LGMN: variants seen among roughly 807,000 people sequenced by gnomAD.
LGMN encodes the protein legumain.
In LGMN, 36 loss-of-function variants were observed where a neutral mutation model predicts 56.8. The observed-to-expected ratio is 0.63, with a 90% CI of 0.49 to 0.84. LGMN has a LOEUF of 0.84. LGMN is among the 40% of genes least tolerant of loss of function. The pLI, the probability that LGMN is intolerant of heterozygous loss-of-function variation, is 0.00. For synonymous variants in LGMN, 199 were observed against 210.1 expected, an observed-to-expected ratio of 0.95 and a Z score of 0.46; for missense variants, 446 against 556.1, an observed-to-expected ratio of 0.80 and a Z score of 1.99.
intron 5 of LGMN, chr14:92,715,645 A>G (rs1462797794): frequency 1.3e-5 from 2 of 152,930 alleles, no homozygotes; most frequent in Middle Eastern, 3.4e-3. Context: ...AGACATCTCT[A>G]GCCCACAGCC....
chr14:92,740,615 G>A (rs1209413736), intron 1 of LGMN, among the ~76,000 whole-genome samples: 3 of 152,314 alleles, frequency 2.0e-5, no homozygotes, highest in South Asian at 2.1e-4. Context: ...CCCAGGGCCC[G>A]AGCACAGAGC....
chr14:92,719,248 ACCACCACCACCG>A (rs1566924095), intron 2 of LGMN, among the ~76,000 whole-genome samples: 2,064 of 22,394 alleles, frequency 0.092, 57 homozygotes, highest in Non-Finnish European at 0.11. Flanking sequence ...CACCACCGCC[ACCACCACCACCG>A]CCACCGCCGC....
At position 92,714,838 on chromosome 14, in the gene LGMN, C is replaced by T. The variant is rs1308613825; in HGVS notation, c.405-387G>A. On this transcript the variant is annotated intron_variant, in intron 5 of 13. Transcript: ENST00000334869. The surrounding 1 kb of genome is among the most constrained non-coding windows in gnomAD (Gnocchi z 5.1). ...TGACCTCAACACAGGCCTGCAGCCT[C>T]CCCCCCTCCAGGCCTCCTGTGGCCC... is the stretch of plus-strand genomic sequence containing the variant. Among the ~76,000 whole-genome samples, 2 of 149,874 alleles carry T rather than the reference C, an allele frequency of 1.3e-5. No individual in the cohort carries two copies. The highest frequency in any genetic ancestry group is 2.9e-5 in the Non-Finnish European group (2 of 67,908).
At position 92,719,230 on chromosome 14, in the gene LGMN, GCCACCGCCACCACCGCCACCACCA is replaced by G. The variant is rs1229562063; in HGVS notation, c.139-410_139-387del. Among the ~76,000 whole-genome samples the G allele has an allele frequency of 8.2e-3, 188 of 22,872 alleles. 7 individuals are homozygous for G. The highest frequency in any genetic ancestry group is 0.041 in the South Asian group (16 of 386). 15.0% of individuals were successfully genotyped at this position (22,872 alleles called of 152,430 possible). ...CACCACCGCCACCAACACCACCACC[GCCACCGCCACCACCGCCACCACCA>G]CCACCGCCACCGCCGCCGCCGCCAC... On this transcript the variant is annotated intron_variant, in intron 2 of 13. Transcript: ENST00000334869.
chr14:92,723,611 A>G (rs1363591724), intron 2 of LGMN, among the ~76,000 whole-genome samples: 1 of 152,234 alleles, frequency 6.6e-6, no homozygotes, highest in Non-Finnish European at 1.5e-5. Context: ...AGCCAGACAC[A>G]AAAGACCACA....
Position 92,732,796 on chromosome 14 carries a change from T to C in LGMN, c.-10A>G, listed in dbSNP as rs757873577. ...CTACTTTCCAAACCATTCTGCACCT[T>C]GGAGTTCAATTGCAGACACCTGAGA... On this transcript the variant is annotated 5_prime_UTR_variant, in exon 2 of 14. Transcript: ENST00000334869. 4 of 1,611,250 alleles carry C rather than the reference T, an allele frequency of 2.5e-6. No homozygotes were observed. In the African/African-American group the frequency reaches 5.4e-5, roughly 22 times the overall value.
rs779146369 is a variant in LGMN, at chr14:92,716,183, G to A, written c.357C>T (p.Gly119=). The A allele has an allele frequency of 2.2e-5, 35 of 1,613,174 alleles. No homozygotes were observed. The highest frequency in any genetic ancestry group is 3.3e-4 in the Middle Eastern group (2 of 6,080). Residue 119 remains glycine, a synonymous_variant, in exon 5 of 14, where the codon GGC becomes GGT. Transcript: ENST00000334869. ...TPQNFLAVLR[G]DAEAVKGIGS... ...CTATGCCCTTCACTGCTTCTGCATC[G>A]CCTCTCAACACAGCAAGGAAATTTT... is the stretch of plus-strand genomic sequence containing the variant.
intron 2 of LGMN, among the ~76,000 whole-genome samples, chr14:92,730,884 C>T (rs1891016240): frequency 6.6e-6 from 1 of 151,120 alleles, no homozygotes. Context: ...GAGCCGAGAT[C>T]GCGCCACTGC....
At chr14:92,709,484 T>A (rs1889622956) in intron 11 of LGMN, among the ~76,000 whole-genome samples, 188 bp downstream of exon 11, 1 of 152,282 alleles carries the variant, frequency 6.6e-6, no homozygotes, top group Middle Eastern at 3.4e-3. Context: ...AAGGTTAGTT[T>A]ACTCATGAAG....
intron 1 of LGMN, among the ~76,000 whole-genome samples, chr14:92,739,312 C>T (rs552651040): frequency 6.6e-6 from 1 of 152,308 alleles, no homozygotes; most frequent in South Asian, 2.1e-4. Context: ...ACGACGCCGG[C>T]TAAACTACTC....
Position 92,713,856 on chromosome 14 carries a change from G to T in LGMN, c.510C>A (p.Ile170=), listed in dbSNP as rs761848617. 6.2e-7 allele frequency: 1 copy of T among 1,613,320 alleles called. No homozygotes were observed. Among genetic ancestry groups the T allele is most frequent in the South Asian group, 1.1e-5 (1 of 91,062 alleles). Reference sequence around the variant, plus strand: ...ACATTTTGTGTTTGTACATGTAATGGATGGTCTCATTCAGGTCCTTTACAT... The same window carrying T: ...ACATTTTGTGTTTGTACATGTAATGTATGGTCTCATTCAGGTCCTTTACAT... ...DLHVKDLNET[I]HYMYKHKMYR... The change falls in exon 7 of 14, where the codon ATC becomes ATA. Residue 170 remains isoleucine (I), a synonymous_variant. Coordinates refer to ENST00000334869, the MANE Select transcript of LGMN (RefSeq NM_005606.7).
intron 2 of LGMN, among the ~76,000 whole-genome samples, chr14:92,724,021 C>T (rs1890624948): frequency 6.6e-6 from 1 of 152,180 alleles, no homozygotes; most frequent in African/African-American, 2.4e-5. Flanking sequence ...TGTGAGCCAC[C>T]ACCCGGCCTG....
At chr14:92,735,458 C>T (rs905323498) in intron 1 of LGMN, among the ~76,000 whole-genome samples, 7 of 152,158 alleles carry the variant, frequency 4.6e-5, no homozygotes, top group Non-Finnish European at 1.0e-4. Flanking sequence ...CTGCCCATCT[C>T]GGCCTCCCAA....
At chr14:92,706,803 G>A in intron 11 of LGMN, 150 bp from the exon 12 acceptor site, 1 of 667,126 alleles carries the variant, frequency 1.5e-6, no homozygotes, top group South Asian at 4.2e-5. Flanking sequence ...TGTGCTCCGA[G>A]AAAGGCGAGA....
intron 4 of LGMN, 143 bp downstream of exon 4, chr14:92,717,236 CA>C: frequency 1.8e-6 from 1 of 548,654 alleles, no homozygotes; most frequent in South Asian, 3.4e-5. Flanking sequence ...ATTTACTCCT[CA>C]GGCAAAAATC....
chr14:92,744,594 G>GT (rs1157955787), intron 1 of LGMN, among the ~76,000 whole-genome samples: 6,987 of 128,180 alleles, frequency 0.055, 628 homozygotes, highest in African/African-American at 0.17. Context: ...TTATCCTTTA[G>GT]TTTTTTTTTT....
chr14:92,707,007 T>G (rs1275046420), intron 11 of LGMN, among the ~76,000 whole-genome samples: 1 of 152,128 alleles, frequency 6.6e-6, no homozygotes, highest in African/African-American at 2.4e-5. Flanking sequence ...AGGAAACTAT[T>G]GAATGGTTAC....
chr14:92,714,432 A>G lies in LGMN; in HGVS notation c.424T>C (p.Phe142Leu). ...GATCCATGGTCAGTGAAGTAAATGA[A>G]CACGTGATCCTGGGGGCCACTGCCA... ...VLKSGPQDHV[F>L]IYFTDHGSTG... The change falls in exon 6 of 14, where the codon TTC becomes CTC. Residue 142 changes from phenylalanine (F) to leucine (L), a missense_variant. Transcript: ENST00000334869. The surrounding 1 kb of genome is among the most constrained non-coding windows in gnomAD (Gnocchi z 5.1). 6.2e-7 allele frequency: 1 copy of G among 1,611,300 alleles called. No homozygotes were observed. The highest frequency in any genetic ancestry group is 1.1e-5 in the South Asian group (1 of 90,932).
intron 7 of LGMN, 108 bp downstream of exon 7, chr14:92,713,715 A>C (rs2140218244): frequency 1.3e-6 from 1 of 798,962 alleles, no homozygotes; most frequent in East Asian, 2.5e-5. Flanking sequence ...CCCTTTCTAG[A>C]AAACACAGCA....
Sources: allele counts gnomAD v4.1 joint callset (sites outside exome capture counted in the v4.1 genomes callset), GRCh38; gene constraint gnomAD v4.1.1; non-coding constraint Gnocchi (gnomAD v3.1); transcripts MANE v1.5; gene names NCBI Gene and HGNC (gene_info 2026-07-23, HGNC 2026-07-21).